The following ZNF423 variants were observed in gnomAD, a reference collection of about 807,000 sequenced individuals.
The protein encoded by ZNF423 is Ebf-associated zinc finger protein.
ZNF423 carries 12 observed loss-of-function variants against 95.8 expected under a neutral mutation model. The ratio of observed to expected loss-of-function variants is 0.13; its 90% confidence interval spans 0.08 to 0.20. ZNF423 has a LOEUF of 0.20. Ranked by LOEUF, ZNF423 falls within the 10% of genes least tolerant of loss-of-function variation. The pLI, the probability that ZNF423 is intolerant of heterozygous loss-of-function variation, is 1.00. For synonymous variants in ZNF423, 749 were observed against 711.9 expected (o/e 1.05, Z -0.83); for missense variants, 1,316 against 1,737.1 (o/e 0.76, Z 4.31).
At chr16:49,792,313 C>T (rs1875217293) in intron 1 of ZNF423, among the ~76,000 whole-genome samples, 1 of 152,170 alleles carries the variant, frequency 6.6e-6, no homozygotes. Flanking sequence ...AAGTCATCCT[C>T]TTAGGAAGAT....
intron 3 of ZNF423, among the ~76,000 whole-genome samples, chr16:49,654,433 CAGGCCCCAGGCAGGGGCATGGACA>C (rs1464112829): frequency 6.6e-6 from 1 of 152,224 alleles, no homozygotes; most frequent in Non-Finnish European, 1.5e-5. Flanking sequence ...GCGTAGAGCA[CAGGCCCCAGGCAGGGGCATGGACA>C]AGGAGCTCAT....
At chr16:49,786,995 G>A (rs1313587545) in intron 2 of ZNF423, among the ~76,000 whole-genome samples, 1 of 152,216 alleles carries the variant, frequency 6.6e-6, no homozygotes, top group Non-Finnish European at 1.5e-5. Flanking sequence ...AGCCCACAGA[G>A]AAATTATGGA....
chr16:49,624,688 A>G (rs1275432357), intron 5 of ZNF423, among the ~76,000 whole-genome samples: 1 of 152,226 alleles, frequency 6.6e-6, no homozygotes, highest in South Asian at 2.1e-4. Context: ...TTATACACCA[A>G]TGAGAGGCAT....
chr16:49,583,062 C>A (rs1970720835), intron 5 of ZNF423, among the ~76,000 whole-genome samples: 1 of 152,208 alleles, frequency 6.6e-6, no homozygotes, highest in Non-Finnish European at 1.5e-5. Flanking sequence ...TCCTGCCTGG[C>A]TGGTAAACAG....
chr16:49,561,170 G>C (rs572591113), intron 5 of ZNF423, among the ~76,000 whole-genome samples: 3 of 152,342 alleles, frequency 2.0e-5, no homozygotes, highest in African/African-American at 7.2e-5. Context: ...AGAGCCAACT[G>C]TGCGTTTCTC....
At chr16:49,776,433 G>A (rs941173779) in intron 2 of ZNF423, among the ~76,000 whole-genome samples, 2 of 152,152 alleles carry the variant, frequency 1.3e-5, no homozygotes, top group African/African-American at 2.4e-5. Flanking sequence ...GCCCTGCTCC[G>A]AGGCCACCCG....
chr16:49,560,515 A>G (rs1969979879), intron 5 of ZNF423, among the ~76,000 whole-genome samples: 1 of 152,140 alleles, frequency 6.6e-6, no homozygotes, highest in South Asian at 2.1e-4. Context: ...AGCATGATGA[A>G]GGTTTCCCCG....
chr16:49,741,725 T>G (rs142893048), intron 2 of ZNF423, among the ~76,000 whole-genome samples: 18 of 152,182 alleles, frequency 1.2e-4, no homozygotes, highest in African/African-American at 4.3e-4. Context: ...GGTCATCTGC[T>G]CATTCCTCAC....
chr16:49,549,974 G>C (rs1462610689), intron 5 of ZNF423, among the ~76,000 whole-genome samples: 1 of 151,910 alleles, frequency 6.6e-6, no homozygotes, highest in Non-Finnish European at 1.5e-5. Flanking sequence ...ACAGACTCAA[G>C]CGATCCTCCC....
intron 5 of ZNF423, among the ~76,000 whole-genome samples, chr16:49,572,678 G>C (rs761827392): frequency 6.6e-6 from 1 of 152,136 alleles, no homozygotes; most frequent in Non-Finnish European, 1.5e-5. Context: ...CTTGTGGGGA[G>C]ACCAGCTGAC....
chr16:49,816,713 G>A (rs1394787230), intron 1 of ZNF423, among the ~76,000 whole-genome samples: 5 of 152,138 alleles, frequency 3.3e-5, no homozygotes, highest in Admixed American at 6.5e-5. Flanking sequence ...GAGCCTGGGA[G>A]GTTGAGGCTG....
chr16:49,512,316 A>C (rs1410922240), intron 7 of ZNF423, among the ~76,000 whole-genome samples: 1 of 152,238 alleles, frequency 6.6e-6, no homozygotes, highest in Non-Finnish European at 1.5e-5. Context: ...AGGCAGGGCA[A>C]TGACTAGGGC....
intron 5 of ZNF423, among the ~76,000 whole-genome samples, chr16:49,583,328 C>A (rs921660226): frequency 4.6e-5 from 7 of 152,154 alleles, no homozygotes; most frequent in African/African-American, 1.7e-4. Context: ...TTTGGGTTTT[C>A]CAGATAAAGC....
At chr16:49,632,646 G>A (rs1443927798) in intron 4 of ZNF423, among the ~76,000 whole-genome samples, 1 of 152,056 alleles carries the variant, frequency 6.6e-6, no homozygotes, top group Non-Finnish European at 1.5e-5. Context: ...TGCATCCTTG[G>A]GTATATGGCA....
chr16:49,845,707 A>T (rs1038173542), intron 1 of ZNF423, among the ~76,000 whole-genome samples: 1 of 147,400 alleles, frequency 6.8e-6, no homozygotes, highest in African/African-American at 2.5e-5. Flanking sequence ...CACCCTCCTA[A>T]TTTTTTTTTT....
intron 5 of ZNF423, among the ~76,000 whole-genome samples, chr16:49,542,255 C>A (rs574690570): frequency 5.3e-5 from 8 of 152,306 alleles, no homozygotes; most frequent in Non-Finnish European, 1.5e-5. Flanking sequence ...GCAAATTGCT[C>A]CCTCTGGCCT....
chr16:49,637,118 C>T lies in ZNF423; in HGVS notation c.2058G>A (p.Leu686=), dbSNP rs201624375. 1.2e-5 allele frequency: 20 copies of T among 1,613,562 alleles called. 1 individual carries two copies. In the Admixed American group the frequency reaches 3.0e-4, roughly 24 times the overall value. ...TCATGTAATGCACTGTCAGGTGCTG[C>T]AGGAGGGACTCCTGGGAGTCAAAGT... ...KEDFDSQESL[L]QHLTVHYMTT... is the part of the protein sequence containing the mutation. The change falls in exon 4 of 8, where the codon CTG becomes CTA. Residue 686 remains leucine, a synonymous_variant. Transcript: ENST00000563137. The surrounding 1 kb of genome is among the most constrained non-coding windows in gnomAD (Gnocchi z 5.6).
chr16:49,769,669 G>A (rs539500019), intron 2 of ZNF423, among the ~76,000 whole-genome samples: 1 of 152,034 alleles, frequency 6.6e-6, no homozygotes, highest in East Asian at 1.9e-4. Flanking sequence ...TGCTCCCCTC[G>A]ACAATCTCCC....
chr16:49,609,926 G>A (rs1437284620), intron 5 of ZNF423, among the ~76,000 whole-genome samples: 1 of 152,058 alleles, frequency 6.6e-6, no homozygotes, highest in East Asian at 1.9e-4. Context: ...AAAAAATCTT[G>A]AAAGCAGCTG....
Sources: allele counts gnomAD v4.1 joint callset (sites outside exome capture counted in the v4.1 genomes callset), GRCh38; gene constraint gnomAD v4.1.1; non-coding constraint Gnocchi (gnomAD v3.1); transcripts MANE v1.5; gene names NCBI Gene and HGNC (gene_info 2026-07-23, HGNC 2026-07-21).